The following IL23R variants were observed in gnomAD, a reference collection of about 807,000 sequenced individuals.
IL23R encodes the protein interleukin-23 receptor.
Under a neutral mutation model 56.9 loss-of-function variants are expected in IL23R, and 34 were observed. The observed-to-expected ratio is 0.60, with a 90% CI of 0.45 to 0.80. The LOEUF (loss-of-function observed/expected upper bound fraction) is 0.80, where lower values mean the gene tolerates loss of function less well. Among genes scored for constraint, IL23R ranks in the 30% least tolerant of loss-of-function variants. The pLI is 0.00. For missense variants in IL23R, 635 were observed against 730.0 expected (o/e 0.87, Z 1.50); for synonymous variants, 230 against 249.2 (o/e 0.92, Z 0.73).
chr1:67,243,562 TG>T (rs1651997570), intron 9 of IL23R, among the ~76,000 whole-genome samples: 1 of 152,126 alleles, frequency 6.6e-6, no homozygotes, highest in Non-Finnish European at 1.5e-5. Context: ...ATGTGGTGTT[TG>T]GTTTTCTGTT....
intron 8 of IL23R, among the ~76,000 whole-genome samples, chr1:67,237,742 G>A (rs1432162531): frequency 1.3e-5 from 2 of 152,110 alleles, no homozygotes; most frequent in African/African-American, 2.4e-5. Context: ...TAGAAATTTC[G>A]AGTTGAAAAC....
intron 9 of IL23R, among the ~76,000 whole-genome samples, chr1:67,254,181 G>A (rs1028223955): frequency 4.7e-4 from 71 of 152,064 alleles, no homozygotes; most frequent in African/African-American, 1.6e-3. Flanking sequence ...TGATTCTCAT[G>A]CCTCAGCCTC....
upstream of IL23R, among the ~76,000 whole-genome samples, chr1:67,161,484 T>TA (rs1256111862): frequency 6.6e-6 from 1 of 152,046 alleles, no homozygotes; most frequent in Non-Finnish European, 1.5e-5. Flanking sequence ...TTTTTCTACA[T>TA]ATAGTTTTTG....
chr1:67,230,856 C>T (rs1278725096), intron 7 of IL23R, among the ~76,000 whole-genome samples: 1 of 152,166 alleles, frequency 6.6e-6, no homozygotes, highest in Non-Finnish European at 1.5e-5. Context: ...ACTCTTTACC[C>T]TTGGCCCGAT....
intron 9 of IL23R, among the ~76,000 whole-genome samples, chr1:67,246,132 T>C (rs905256314): frequency 6.6e-6 from 1 of 152,218 alleles, no homozygotes. Flanking sequence ...TGATAGTTTA[T>C]ATTTCTGTGG....
At chr1:67,219,954 G>A (rs541681698) in intron 7 of IL23R, among the ~76,000 whole-genome samples, 18 of 152,210 alleles carry the variant, frequency 1.2e-4, no homozygotes, top group Admixed American at 5.2e-4. Flanking sequence ...ATTTGTAGTC[G>A]CAGCTACTTG....
intron 1 of IL23R, among the ~76,000 whole-genome samples, chr1:67,147,498 A>C (rs1646689878): frequency 6.6e-6 from 1 of 152,164 alleles, no homozygotes; most frequent in Non-Finnish European, 1.5e-5. Flanking sequence ...CGGGAGTTCG[A>C]GACCAGCCTG....
At chr1:67,200,947 G>T in intron 5 of IL23R, 50 bp downstream of exon 5, 2 of 1,581,056 alleles carry the variant, frequency 1.3e-6, no homozygotes, top group South Asian at 1.1e-5. Flanking sequence ...AGTTTGTGCT[G>T]ACCTTGTCAA....
chr1:67,169,454 A>G lies in IL23R; in HGVS notation c.183A>G (p.Pro61=), dbSNP rs777730388. 40 of 1,613,846 alleles carry G rather than the reference A, an allele frequency of 2.5e-5. No homozygotes were observed. The highest frequency in any genetic ancestry group is 3.0e-5 in the Non-Finnish European group (35 of 1,179,830). The change falls in exon 3 of 11, where the codon CCA becomes CCG. Residue 61 remains proline, a synonymous_variant. Coordinates refer to ENST00000347310, the MANE Select transcript of IL23R (RefSeq NM_144701.3). ...YCQAAIKNCQ[P]RKLHFYKNGI... is the part of the protein sequence containing the mutation. ...AAGCAGCAATTAAGAACTGCCAACC[A>G]AGGAAACTTCATTTTTATAAAAATG...
chr1:67,264,064 A>G (rs1017115565), downstream of IL23R, among the ~76,000 whole-genome samples: 1 of 152,166 alleles, frequency 6.6e-6, no homozygotes, highest in African/African-American at 2.4e-5. Context: ...GGGATGCTGG[A>G]CCAACCTTGA....
rs1047866391 is a variant in IL23R at position 67,259,386 on chromosome 1, A to T, written c.*258A>T. On this transcript the variant is annotated 3_prime_UTR_variant, in exon 11 of 11. Coordinates refer to ENST00000347310, the MANE Select transcript of IL23R (RefSeq NM_144701.3). ...TTCTGTGCTCCTACCATCACCATGT[A>T]AGAATTCCCGGGAGCTCCATGCCTT... 3.8e-5 allele frequency: 18 copies of T among 470,890 alleles called. No individual in the cohort carries two copies. The highest frequency in any genetic ancestry group is 2.4e-4 in the African/African-American group (12 of 50,970). 29.2% of individuals were successfully genotyped at this position (470,890 alleles called of 1,614,324 possible).
intron 9 of IL23R, among the ~76,000 whole-genome samples, chr1:67,246,485 G>A (rs895667432): frequency 1.3e-5 from 2 of 152,188 alleles, no homozygotes; most frequent in Non-Finnish European, 2.9e-5. Flanking sequence ...TGCTATAAAT[G>A]TGTCCCAGAG....
intron 4 of IL23R, among the ~76,000 whole-genome samples, chr1:67,186,929 C>T (rs1647381727): frequency 6.6e-6 from 1 of 151,946 alleles, no homozygotes; most frequent in Non-Finnish European, 1.5e-5. Flanking sequence ...CCCTTTATTC[C>T]TTTTTTTAAT....
intron 3 of IL23R, among the ~76,000 whole-genome samples, chr1:67,176,702 A>G (rs77322290): frequency 0.045 from 6,822 of 152,168 alleles, 506 homozygotes; most frequent in African/African-American, 0.16. Flanking sequence ...TGTTTCATAC[A>G]TATACATGTG....
chr1:67,171,248 A>G (rs927660390), intron 3 of IL23R, among the ~76,000 whole-genome samples: 5 of 152,062 alleles, frequency 3.3e-5, no homozygotes, highest in African/African-American at 4.8e-5. Flanking sequence ...AAGCCAGAGG[A>G]AAAAAAAGGA....
intron 3 of IL23R, among the ~76,000 whole-genome samples, chr1:67,182,003 A>G (rs1363829126): frequency 6.6e-6 from 1 of 152,198 alleles, no homozygotes; most frequent in African/African-American, 2.4e-5. Flanking sequence ...GTTTTGTCTC[A>G]GAGGAGTACC....
intron 7 of IL23R, among the ~76,000 whole-genome samples, chr1:67,225,536 C>A (rs1270608186): frequency 1.3e-5 from 2 of 149,642 alleles, no homozygotes; most frequent in Non-Finnish European, 3.0e-5. Context: ...TTTTTTGATA[C>A]AGTCTCGCTC....
At chr1:67,163,923 T>C (rs1215960163), upstream of IL23R, among the ~76,000 whole-genome samples, 4 of 152,228 alleles carry the variant, frequency 2.6e-5, no homozygotes, top group African/African-American at 9.6e-5. Flanking sequence ...GAATAAAACA[T>C]AGGGAAAAAC....
chr1:67,247,090 CT>C (rs1343503297), intron 9 of IL23R, among the ~76,000 whole-genome samples: 27 of 151,612 alleles, frequency 1.8e-4, no homozygotes, highest in African/African-American at 5.3e-4. Flanking sequence ...CTCTTTTGAT[CT>C]TTGTTGGTTT....
Sources: gnomAD v4.1 joint callset for allele counts (sites outside exome capture counted in the v4.1 genomes callset) on GRCh38, gnomAD v4.1.1 for gene constraint, MANE v1.5 for transcripts, NCBI Gene and HGNC (gene_info 2026-07-23, HGNC 2026-07-21) for gene names.